Variants in WFDC3 observed in about 807,000 individuals in gnomAD.
WFDC3 encodes WAP four-disulfide core domain protein 3.
Under a neutral mutation model 25.8 loss-of-function variants are expected in WFDC3, and 15 were observed. That is an observed-to-expected ratio of 0.58 (90% CI 0.39 to 0.89). WFDC3 has a LOEUF of 0.89. Ranked by LOEUF, WFDC3 falls within the 40% of genes least tolerant of loss-of-function variation. The pLI is 0.00. For missense variants in WFDC3, 264 were observed against 289.8 expected, an observed-to-expected ratio of 0.91 and a Z score of 0.65; for synonymous variants, 103 against 107.1, an observed-to-expected ratio of 0.96 and a Z score of 0.24.
intron 3 of WFDC3, 120 bp from the exon 4 acceptor site, chr20:45,788,102 G>C: frequency 1.9e-6 from 2 of 1,055,136 alleles, no homozygotes; most frequent in Non-Finnish European, 2.6e-6. Flanking sequence ...TAGGGAGTTC[G>C]AGAACAGCCT....
Position 45,779,346 on chromosome 20 carries a change from AG to A in WFDC3, c.359-2138del, listed in dbSNP as rs1980336598. Among the ~76,000 whole-genome samples the A allele has an allele frequency of 2.6e-5, 4 of 152,260 alleles. No individual in the cohort carries two copies. In the South Asian group the frequency reaches 8.3e-4, roughly 32 times the overall value. ...GGAACAGGTAAGTATGATTGCATAC[AG>A]CTGGCTCTGGGAAGTCTGCCATGAT... On this transcript the variant is annotated intron_variant, in intron 4 of 6. Transcript: ENST00000243938.
chr20:45,789,605 G>A (rs144385348), intron 2 of WFDC3, among the ~76,000 whole-genome samples: 1,794 of 152,054 alleles, frequency 0.012, 19 homozygotes, highest in Non-Finnish European at 0.019. Context: ...TGCAGATAAC[G>A]AGAGAGAAAG....
rs1180716759 is a variant in WFDC3 at position 45,787,048 on chromosome 20, C to G, written c.358+788G>C. Reference sequence around the variant, plus strand: ...GGCAGAGGTTGCAGTGAGCCAAGATCACACCACTGCACTCTAGCCTGGGAG... The same window carrying G: ...GGCAGAGGTTGCAGTGAGCCAAGATGACACCACTGCACTCTAGCCTGGGAG... On this transcript the variant is annotated intron_variant, in intron 4 of 6. Transcript: ENST00000243938. 3.9e-5 allele frequency among the ~76,000 whole-genome samples: 5 copies of G among 129,836 alleles called. No homozygotes were observed. In the South Asian group the frequency reaches 1.1e-3, roughly 27 times the overall value. 85.2% of individuals were successfully genotyped at this position (129,836 alleles called of 152,430 possible).
intron 1 of WFDC3, 114 bp downstream of exon 1, chr20:45,791,718 C>T (rs1311157832): frequency 1.6e-5 from 5 of 320,806 alleles, no homozygotes; most frequent in Non-Finnish European, 2.3e-5. Flanking sequence ...CCGCAGTCAT[C>T]CCCAGGCCTT....
At chr20:45,779,445 T>C (rs993800163) in intron 4 of WFDC3, among the ~76,000 whole-genome samples, 1 of 152,182 alleles carries the variant, frequency 6.6e-6, no homozygotes, top group Non-Finnish European at 1.5e-5. Flanking sequence ...CCCTGTATCC[T>C]GAGATTTTCC....
intron 4 of WFDC3, among the ~76,000 whole-genome samples, chr20:45,781,335 G>A (rs1980436954): frequency 6.6e-6 from 1 of 152,182 alleles, no homozygotes; most frequent in South Asian, 2.1e-4. Flanking sequence ...GAAGCACTGG[G>A]ACTCACTCTG....
At chr20:45,780,797 C>T (rs1241841053) in intron 4 of WFDC3, among the ~76,000 whole-genome samples, 1 of 152,154 alleles carries the variant, frequency 6.6e-6, no homozygotes. Context: ...ACTTCTTAAC[C>T]CAAGAAGGGC....
intron 4 of WFDC3, among the ~76,000 whole-genome samples, chr20:45,777,996 T>A (rs1300393097): frequency 6.6e-6 from 1 of 152,172 alleles, no homozygotes; most frequent in East Asian, 1.9e-4. Flanking sequence ...CCTCCTGGGA[T>A]TCAGGCCCTT....
chr20:45,790,132 C>G, intron 1 of WFDC3, 150 bp from the exon 2 acceptor site: 1 of 582,076 alleles, frequency 1.7e-6, no homozygotes, highest in Non-Finnish European at 3.0e-6. Flanking sequence ...CTTCTCCTGA[C>G]AAGAAGAAGA....
Position 45,789,954 on chromosome 20 carries a change from G to A in WFDC3, c.22C>T (p.Leu8Phe), listed in dbSNP as rs940048565. 1.2e-6 allele frequency: 2 copies of A among 1,614,148 alleles called. No homozygotes were observed. The highest frequency in any genetic ancestry group is 8.5e-7 in the Non-Finnish European group (1 of 1,180,012). Residue 8 changes from leucine to phenylalanine, a missense_variant, in exon 2 of 7, where the codon CTT becomes TTT. Transcript: ENST00000243938. ...CCAAGAGCAAGAAGTGCCTTCAGAA[G>A]AAAGAGGCAGCTTAACATCATGATG... MMLSCLF[L>F]LKALLALGSL...
intron 6 of WFDC3, among the ~76,000 whole-genome samples, chr20:45,775,161 C>G (rs1360207664): frequency 6.6e-6 from 1 of 152,150 alleles, no homozygotes; most frequent in Non-Finnish European, 1.5e-5. Context: ...CAGAGACCTT[C>G]CCAGGGAGCC....
Position 45,775,477 on chromosome 20 carries a change from C to A in WFDC3, c.619G>T (p.Val207Phe). ...SGCGRFCVPP[V>F]LPPKLTMNPN... ...TTCATGGTCAGTTTTGGGGGCAGGA[C>A]TGGTGGGACACAGAAGCGGCCACAG... is the stretch of plus-strand genomic sequence containing the variant. Residue 207 changes from valine to phenylalanine, a missense_variant, in exon 6 of 7, where the codon GTC becomes TTC. Transcript: ENST00000243938. The A allele has an allele frequency of 2.5e-6, 4 of 1,614,194 alleles. No individual in the cohort carries two copies. Among genetic ancestry groups the A allele is most frequent in the Non-Finnish European group, 3.4e-6 (4 of 1,180,038 alleles).
intron 4 of WFDC3, among the ~76,000 whole-genome samples, chr20:45,785,358 T>A (rs992033298): frequency 1.3e-5 from 2 of 150,998 alleles, no homozygotes; most frequent in Non-Finnish European, 2.9e-5. Context: ...CAATCCCAGC[T>A]ACTCAGGAGG....
intron 5 of WFDC3, 110 bp downstream of exon 5, chr20:45,776,965 G>C: frequency 6.4e-7 from 1 of 1,573,066 alleles, no homozygotes; most frequent in Non-Finnish European, 8.7e-7. Flanking sequence ...TTTGGGTTGG[G>C]GGACCAGAGG....
intron 1 of WFDC3, 51 bp downstream of exon 1, chr20:45,791,781 A>G (rs1197664584): frequency 2.6e-6 from 1 of 379,640 alleles, no homozygotes; most frequent in African/African-American, 2.1e-5. Flanking sequence ...CCCACACTGC[A>G]CAATCGAGGC....
intron 4 of WFDC3, 54 bp from the exon 5 acceptor site, chr20:45,777,263 T>C: frequency 2.8e-6 from 4 of 1,411,846 alleles, no homozygotes; most frequent in Non-Finnish European, 3.7e-6. Flanking sequence ...AAACACATTT[T>C]TCATTGTGTC....
At chr20:45,778,381 A>G (rs1245488086) in intron 4 of WFDC3, among the ~76,000 whole-genome samples, 1 of 152,208 alleles carries the variant, frequency 6.6e-6, no homozygotes, top group Non-Finnish European at 1.5e-5. Context: ...GAGTAACTAT[A>G]TTGCTTTAAG....
At position 45,789,961 on chromosome 20, in the gene WFDC3, G is replaced by A. The variant is rs115439049; in HGVS notation, c.15C>T (p.Cys5=). Residue 5 remains cysteine, a synonymous_variant, in exon 2 of 7, where the codon TGC becomes TGT. Coordinates refer to ENST00000243938, the MANE Select transcript of WFDC3 (RefSeq NM_080614.2). MMLS[C]LFLLKALLAL... Reference sequence around the variant, plus strand: ...CAAGAAGTGCCTTCAGAAGAAAGAGGCAGCTTAACATCATGATGATGCTGA... The same window carrying A: ...CAAGAAGTGCCTTCAGAAGAAAGAGACAGCTTAACATCATGATGATGCTGA... 943 of 1,614,090 alleles carry A rather than the reference G, an allele frequency of 5.8e-4. 10 individuals are homozygous for A. In the East Asian group the frequency reaches 8.8e-3, roughly 15 times the overall value.
At chr20:45,791,049 G>A (rs6104344) in intron 1 of WFDC3, 2 of 444,096 alleles carry the variant, frequency 4.5e-6, no homozygotes, top group South Asian at 3.2e-5. Context: ...GCAGGTACAA[G>A]GTAAAACCTC....
Sources: gnomAD v4.1 joint callset for allele counts (sites outside exome capture counted in the v4.1 genomes callset) on GRCh38, gnomAD v4.1.1 for gene constraint, MANE v1.5 for transcripts, NCBI Gene and HGNC (gene_info 2026-07-23, HGNC 2026-07-21) for gene names.